The following OSBPL2 variants were observed in gnomAD, a reference collection of about 807,000 sequenced individuals.
OSBPL2 encodes the protein oxysterol binding protein like 2, also known as oxysterol-binding protein-related protein 2.
In OSBPL2, 18 loss-of-function variants were observed where a neutral mutation model predicts 58.4. That is an observed-to-expected ratio of 0.31 (90% confidence interval 0.21 to 0.46). The LOEUF (loss-of-function observed/expected upper bound fraction) is 0.46. Among genes scored for constraint, OSBPL2 ranks in the 20% least tolerant of loss-of-function variants. The pLI is 1.00. For missense variants in OSBPL2, 461 were observed against 616.5 expected (o/e 0.75, Z 2.67); for synonymous variants, 221 against 234.1 (o/e 0.94, Z 0.51).
In OSBPL2 at chr20:62,245,065, C is replaced by T. The variant is rs367722159; in HGVS notation, c.-129+6468C>T. On this transcript the variant is annotated intron_variant, in intron 1 of 13. Coordinates refer to ENST00000313733, the MANE Select transcript of OSBPL2 (RefSeq NM_144498.4). ...CAGGGTTGAGCCATTCGTGTGTCCA[C>T]GCTGGTGTCTTAGGATAAAGGGCTG... Among the ~76,000 whole-genome samples the T allele has an allele frequency of 5.3e-5, 8 of 151,978 alleles. No homozygotes were observed. The East Asian group carries it at 5.8e-4, about 11-fold the overall frequency.
At chr20:62,259,830 T>C in intron 2 of OSBPL2, 151 bp from the exon 3 acceptor site, 1 of 727,726 alleles carries the variant, frequency 1.4e-6, no homozygotes, top group Non-Finnish European at 2.3e-6. Flanking sequence ...CCGTGTCTGC[T>C]TCTGGAGAAC....
intron 1 of OSBPL2, among the ~76,000 whole-genome samples, chr20:62,245,810 C>T (rs1399360267): frequency 6.6e-6 from 1 of 152,202 alleles, no homozygotes; most frequent in Non-Finnish European, 1.5e-5. Context: ...TTGTGAATGG[C>T]ATATGACTTG....
At chr20:62,248,123 C>G (rs1426910925) in intron 1 of OSBPL2, among the ~76,000 whole-genome samples, 1 of 147,710 alleles carries the variant, frequency 6.8e-6, no homozygotes, top group South Asian at 2.2e-4. Flanking sequence ...TATTTTCTCT[C>G]TTTTCTTTTT....
At chr20:62,273,768 C>T (rs899844015) in intron 6 of OSBPL2, among the ~76,000 whole-genome samples, 1 of 152,172 alleles carries the variant, frequency 6.6e-6, no homozygotes, top group Admixed American at 6.5e-5. Context: ...ATGAGCAAAA[C>T]TAGGCTGTTT....
rs1246138714 is a variant in OSBPL2, at chr20:62,294,932, G to A, written c.*1045G>A. 1.3e-5 allele frequency: 2 copies of A among 149,522 alleles called. No individual in the cohort carries two copies. Among genetic ancestry groups the A allele is most frequent in the Non-Finnish European group, 3.0e-5 (2 of 67,590 alleles). 9.3% of individuals were successfully genotyped at this position (149,522 alleles called of 1,614,324 possible). On this transcript the variant is annotated 3_prime_UTR_variant, in exon 14 of 14. Transcript: ENST00000313733. ...CAGCATTCACCTTTATCAAGTGACT[G>A]ATTTTTTTTTCTTTTCTTTCCTTTT...
intron 8 of OSBPL2, 144 bp from the exon 9 acceptor site, chr20:62,281,646 C>A: frequency 1.7e-6 from 1 of 600,906 alleles, no homozygotes; most frequent in East Asian, 2.7e-5. Flanking sequence ...CAAACACTTC[C>A]ATCGCCCCAA....
At chr20:62,250,951 A>C (rs1348830452) in intron 1 of OSBPL2, among the ~76,000 whole-genome samples, 1 of 152,074 alleles carries the variant, frequency 6.6e-6, no homozygotes, top group Non-Finnish European at 1.5e-5. Flanking sequence ...ATAAATAAAT[A>C]AACAAGCAAA....
In OSBPL2 at chr20:62,269,268, G is replaced by A. The variant is rs2145947122; in HGVS notation, c.259-2857G>A. Among the ~76,000 whole-genome samples, 1 of 152,208 alleles carries A rather than the reference G, an allele frequency of 6.6e-6. No homozygotes were observed. The highest frequency in any genetic ancestry group is 1.9e-4 in the East Asian group (1 of 5,178). ...CTGCCACCTAGCTTATTGGACTGGC[G>A]CCCTGTTGTTGGACATACGGGTCAT... On this transcript the variant is annotated intron_variant, in intron 4 of 13. Transcript: ENST00000313733. This position sits in a 1 kb window ranked among gnomAD's most constrained non-coding sequence, Gnocchi z 4.2.
chr20:62,260,626 C>T (rs1221297247), intron 3 of OSBPL2, among the ~76,000 whole-genome samples: 1 of 152,166 alleles, frequency 6.6e-6, no homozygotes, highest in Non-Finnish European at 1.5e-5. Context: ...AGACCTCATT[C>T]CCTTTCCTCC....
chr20:62,289,095 G>A, intron 11 of OSBPL2, 112 bp from the exon 12 acceptor site: 1 of 1,210,342 alleles, frequency 8.3e-7, no homozygotes, highest in Non-Finnish European at 1.2e-6. Flanking sequence ...AGGTTCCCAT[G>A]GTGGCAGTCA....
At chr20:62,280,946 T>TC in intron 7 of OSBPL2, 112 bp from the exon 8 acceptor site, 1 of 757,526 alleles carries the variant, frequency 1.3e-6, no homozygotes, top group South Asian at 1.5e-5. Context: ...CGTGCTGCTC[T>TC]CCCGCGGGTG....
chr20:62,262,660 C>G (rs753586672), intron 3 of OSBPL2, among the ~76,000 whole-genome samples: 52 of 152,326 alleles, frequency 3.4e-4, no homozygotes, highest in Non-Finnish European at 6.9e-4. Flanking sequence ...AGTAGTGTGC[C>G]CTGACCCAGC....
chr20:62,268,932 C>T (rs1202089785), intron 4 of OSBPL2, among the ~76,000 whole-genome samples: 1 of 152,136 alleles, frequency 6.6e-6, no homozygotes, highest in Non-Finnish European at 1.5e-5. Context: ...CAGTGCATGC[C>T]TGTAATCCCA....
chr20:62,272,262 G>T lies in OSBPL2; in HGVS notation c.393+3G>T. 6.2e-7 allele frequency: 1 copy of T among 1,612,596 alleles called. No individual in the cohort carries two copies. ...CCCAGCCCCTGGAGAGGATGCAGGT[G>T]GGCCTTAGGGGTGCCAGGCAGGAGT... On this transcript the variant is annotated splice_donor_region_variant and intron_variant, in intron 5 of 13. Transcript: ENST00000313733.
chr20:62,293,283 G>A (rs1034901960), intron 13 of OSBPL2, among the ~76,000 whole-genome samples: 3 of 152,136 alleles, frequency 2.0e-5, no homozygotes, highest in Admixed American at 6.5e-5. Context: ...CAACACTAAG[G>A]ACACCCCTCG....
chr20:62,278,754 G>A (rs1231666535), intron 6 of OSBPL2: 6 of 179,142 alleles, frequency 3.3e-5, no homozygotes, highest in Admixed American at 6.9e-5. Context: ...TGTTGCCAAC[G>A]TTAGGCCGAG....
At chr20:62,282,099 T>C (rs576894263) in intron 9 of OSBPL2, 58 of 372,654 alleles carry the variant, frequency 1.6e-4, no homozygotes, top group African/African-American at 1.1e-3. Context: ...ATGTAGTTTC[T>C]AGGTGGCTTG....
Position 62,288,729 on chromosome 20 carries a change from G to T in OSBPL2, c.1126-478G>T, listed in dbSNP as rs1983301980. 6.6e-6 allele frequency among the ~76,000 whole-genome samples: 1 copy of T among 152,194 alleles called. No homozygotes were observed. The highest frequency in any genetic ancestry group is 1.5e-5 in the Non-Finnish European group (1 of 68,030). ...GCTCTGGGAGTCCTGGGCACGGGGG[G>T]ACTGTCATACCCTAAGCATTCCAGT... On this transcript the variant is annotated intron_variant, in intron 11 of 13. Coordinates refer to ENST00000313733, the MANE Select transcript of OSBPL2 (RefSeq NM_144498.4). The surrounding 1 kb of genome is among the most constrained non-coding windows in gnomAD (Gnocchi z 4.8).
chr20:62,282,313 C>T (rs530783615), intron 9 of OSBPL2, among the ~76,000 whole-genome samples: 1 of 152,302 alleles, frequency 6.6e-6, no homozygotes, highest in Non-Finnish European at 1.5e-5. Context: ...GTGACCAGTT[C>T]ACTCCAGTCT....
Sources: gnomAD v4.1 joint callset for allele counts (sites outside exome capture counted in the v4.1 genomes callset) on GRCh38, gnomAD v4.1.1 for gene constraint, Gnocchi (gnomAD v3.1) non-coding constraint, MANE v1.5 for transcripts, NCBI Gene and HGNC (gene_info 2026-07-23, HGNC 2026-07-21) for gene names.